The following PDE3A variants were observed in gnomAD, a reference collection of about 807,000 sequenced individuals.
PDE3A encodes cGMP-inhibited 3',5'-cyclic phosphodiesterase 3A.
Under a neutral mutation model 98.3 loss-of-function variants are expected in PDE3A, and 43 were observed. That is an observed-to-expected ratio of 0.44 (90% CI 0.34 to 0.56). PDE3A has a LOEUF of 0.56. Among genes scored for constraint, PDE3A ranks in the 20% least tolerant of loss-of-function variants. The probability of loss-of-function intolerance (pLI) is 0.01; values close to 1 mark genes in which losing one functional copy is unlikely to be tolerated. For synonymous variants in PDE3A, 663 were observed against 567.9 expected, an observed-to-expected ratio of 1.17 and a Z score of -2.38; for missense variants, 1,427 against 1,440.7, an observed-to-expected ratio of 0.99 and a Z score of 0.15.
Position 20,680,058 on chromosome 12 carries a change from C to T in PDE3A, c.3213C>T (p.Ile1071=), listed in dbSNP as rs751904841. Residue 1071 remains isoleucine (I), a synonymous_variant, in exon 16 of 16, where the codon ATC becomes ATT. Transcript: ENST00000359062. ...PKKKTFKRRK[I]YCQITQHLLQ... is the part of the protein sequence containing the mutation. ...AGAAGACTTTCAAAAGGAGAAAAAT[C>T]TACTGCCAAATAACTCAGCACCTCT... 3.1e-6 allele frequency: 5 copies of T among 1,602,416 alleles called. No homozygotes were observed. Among genetic ancestry groups the T allele is most frequent in the Admixed American group, 1.7e-5 (1 of 59,608 alleles).
chr12:20,642,895 A>G (rs1177947948), intron 10 of PDE3A, among the ~76,000 whole-genome samples: 1 of 152,220 alleles, frequency 6.6e-6, no homozygotes, highest in Non-Finnish European at 1.5e-5. Flanking sequence ...CCTATGGTGC[A>G]TAGGAGCATA....
chr12:20,373,124 A>T (rs1943507820), intron 1 of PDE3A, among the ~76,000 whole-genome samples: 1 of 152,066 alleles, frequency 6.6e-6, no homozygotes, highest in African/African-American at 2.4e-5. Context: ...TCAGGAAAAA[A>T]CAAAGTTTAT....
rs565135406 is a variant in PDE3A, at chr12:20,373,706, A to G, written c.960+3462A>G. Among the ~76,000 whole-genome samples, 448 of 152,248 alleles carry G rather than the reference A, an allele frequency of 2.9e-3. 3 individuals carry two copies. The highest frequency in any genetic ancestry group is 9.9e-3 in the African/African-American group (413 of 41,562). The stretch of plus-strand genomic sequence containing the variant: ...TGACTGTCTCCGTTAATGCATTTGT[A>G]CCACTTAATGACAACATTTTTTTGG... On this transcript the variant is annotated intron_variant, in intron 1 of 15. Coordinates refer to ENST00000359062, the MANE Select transcript of PDE3A (RefSeq NM_000921.5).
At chr12:20,451,749 A>C (rs542891852) in intron 1 of PDE3A, among the ~76,000 whole-genome samples, 250 of 152,338 alleles carry the variant, frequency 1.6e-3, no homozygotes, top group African/African-American at 5.6e-3. Context: ...CATCTAGAAG[A>C]ATCTTCTCAT....
Position 20,370,217 on chromosome 12 carries a change from CT to C in PDE3A, c.934del (p.Ser312ProfsTer63). 6.3e-7 allele frequency: 1 copy of C among 1,589,216 alleles called. No individual in the cohort carries two copies. Among genetic ancestry groups the C allele is most frequent in the Non-Finnish European group, 8.6e-7 (1 of 1,169,460 alleles). ...GCAGCAGCAAGTCCCATCGGAGGAC[CT>C]CCCTGCCCTGTATACCGAGGGAACA... is the stretch of plus-strand genomic sequence containing the variant. ...GCSSKSHRRT[S>X]LPCIPREQLM... On this transcript the variant is annotated frameshift_variant, in exon 1 of 16. Transcript: ENST00000359062. LOFTEE classifies it high-confidence loss of function.
chr12:20,381,069 T>A (rs947643687), intron 1 of PDE3A, among the ~76,000 whole-genome samples: 1 of 151,834 alleles, frequency 6.6e-6, no homozygotes, highest in Non-Finnish European at 1.5e-5. Context: ...ATTAAGGCAG[T>A]AGCCTCGTTT....
intron 1 of PDE3A, among the ~76,000 whole-genome samples, chr12:20,541,090 T>TC (rs1941893185): frequency 1.1e-5 from 1 of 88,180 alleles, no homozygotes; most frequent in Non-Finnish European, 2.2e-5. Context: ...TTTTTTTTTT[T>TC]TTTTTTTTTT....
At chr12:20,641,122 A>G (rs540539521) in intron 10 of PDE3A, among the ~76,000 whole-genome samples, 40 of 152,242 alleles carry the variant, frequency 2.6e-4, no homozygotes, top group African/African-American at 8.7e-4. Context: ...AATCCCATCC[A>G]CCTGCTACAT....
intron 1 of PDE3A, among the ~76,000 whole-genome samples, chr12:20,390,457 GAA>G (rs34930599): frequency 1.5e-3 from 195 of 127,552 alleles, no homozygotes; most frequent in African/African-American, 5.4e-3. Flanking sequence ...GGTGATTTAA[GAA>G]AAAAAAAAAA....
chr12:20,454,177 G>A (rs1945114959), intron 1 of PDE3A, among the ~76,000 whole-genome samples: 1 of 152,124 alleles, frequency 6.6e-6, no homozygotes, highest in African/African-American at 2.4e-5. Context: ...GCTCTTGCTT[G>A]AACCCGTTAA....
intron 1 of PDE3A, among the ~76,000 whole-genome samples, chr12:20,510,818 T>G (rs1314905943): frequency 6.6e-6 from 1 of 152,020 alleles, no homozygotes; most frequent in East Asian, 1.9e-4. Flanking sequence ...AGGGAAGCAT[T>G]CTCTGAGAGT....
chr12:20,654,510 T>TTTTTGTG (rs1473217421), intron 15 of PDE3A, among the ~76,000 whole-genome samples: 1 of 151,920 alleles, frequency 6.6e-6, no homozygotes, highest in Non-Finnish European at 1.5e-5. Context: ...TGTTTTTTGT[T>TTTTTGTG]TTTTGAGGCA....
intron 1 of PDE3A, among the ~76,000 whole-genome samples, chr12:20,455,357 G>A (rs1375844166): frequency 1.3e-5 from 2 of 151,610 alleles, no homozygotes; most frequent in African/African-American, 4.8e-5. Flanking sequence ...CTGGATATTA[G>A]ACCTTTGTCA....
intron 1 of PDE3A, among the ~76,000 whole-genome samples, chr12:20,497,786 T>C (rs1334547441): frequency 6.6e-6 from 1 of 152,104 alleles, no homozygotes; most frequent in Non-Finnish European, 1.5e-5. Context: ...ATTGATCAAA[T>C]AGAACAAAGA....
chr12:20,655,750 A>G (rs569620152), intron 15 of PDE3A, among the ~76,000 whole-genome samples: 35 of 152,194 alleles, frequency 2.3e-4, no homozygotes, highest in Non-Finnish European at 4.4e-4. Flanking sequence ...AGTAGACTCA[A>G]CTTACATTTT....
At chr12:20,679,206 G>A (rs1945709105) in intron 15 of PDE3A, among the ~76,000 whole-genome samples, 1 of 151,524 alleles carries the variant, frequency 6.6e-6, no homozygotes, top group South Asian at 2.1e-4. Context: ...AAGAAAAGCA[G>A]AGTAGTTAAG....
At chr12:20,659,149 A>G (rs1423350287) in intron 15 of PDE3A, among the ~76,000 whole-genome samples, 2 of 152,128 alleles carry the variant, frequency 1.3e-5, no homozygotes, top group Non-Finnish European at 1.5e-5. Context: ...TGAAGAAATT[A>G]TGAATATCAT....
chr12:20,577,051 GA>G (rs1942950567), intron 2 of PDE3A, among the ~76,000 whole-genome samples: 1 of 151,978 alleles, frequency 6.6e-6, no homozygotes, highest in Non-Finnish European at 1.5e-5. Flanking sequence ...AAGTACTTTA[GA>G]GGGGGAAAAT....
chr12:20,523,863 C>T (rs1946471521), intron 1 of PDE3A, among the ~76,000 whole-genome samples: 1 of 152,188 alleles, frequency 6.6e-6, no homozygotes, highest in Non-Finnish European at 1.5e-5. Context: ...AATGACTCAT[C>T]AAGTGCTATT....
Sources: gnomAD v4.1 joint callset for allele counts (sites outside exome capture counted in the v4.1 genomes callset) on GRCh38, gnomAD v4.1.1 for gene constraint, MANE v1.5 for transcripts, NCBI Gene and HGNC (gene_info 2026-07-23, HGNC 2026-07-21) for gene names.